NCOR2: variants seen among roughly 807,000 people sequenced by gnomAD.
The protein encoded by NCOR2 is nuclear receptor corepressor 2, also known as CTG repeat protein 26.
NCOR2 carries 81 observed loss-of-function variants against 262.9 expected under a neutral mutation model. That is an observed-to-expected ratio of 0.31 (90% CI 0.26 to 0.37). NCOR2 has a LOEUF of 0.37. Among genes scored for constraint, NCOR2 ranks in the 10% least tolerant of loss-of-function variants. The pLI, the probability that NCOR2 is intolerant of heterozygous loss-of-function variation, is 1.00. For synonymous variants in NCOR2, 1,659 were observed against 1,559.3 expected, an observed-to-expected ratio of 1.06 and a Z score of -1.51; for missense variants, 3,385 against 3,621.4, an observed-to-expected ratio of 0.93 and a Z score of 1.68.
At chr12:124,361,457 C>T (rs1176647710) in intron 22 of NCOR2, among the ~76,000 whole-genome samples, 1 of 152,228 alleles carries the variant, frequency 6.6e-6, no homozygotes, top group African/African-American at 2.4e-5. Flanking sequence ...GATTGAAGAT[C>T]CAGAGAACAA....
intron 8 of NCOR2, among the ~76,000 whole-genome samples, chr12:124,436,175 C>T (rs1416877150): frequency 6.6e-6 from 1 of 152,230 alleles, no homozygotes; most frequent in Non-Finnish European, 1.5e-5. Context: ...CAGCTAACAC[C>T]CTGTCCCGGC....
At chr12:124,533,033 A>C (rs2050923142) in intron 1 of NCOR2, among the ~76,000 whole-genome samples, 2 of 82,752 alleles carry the variant, frequency 2.4e-5, no homozygotes, top group Non-Finnish European at 4.6e-5. Flanking sequence ...TCCTCCCTCC[A>C]AATCCCACTC....
At chr12:124,535,238 T>C (rs1388589621) in intron 1 of NCOR2, among the ~76,000 whole-genome samples, 5 of 152,140 alleles carry the variant, frequency 3.3e-5, no homozygotes, top group Non-Finnish European at 7.4e-5. Flanking sequence ...ACAAAAGCAA[T>C]GTGACCAAGA....
At chr12:124,328,028 T>A (rs59475273) in intron 44 of NCOR2, among the ~76,000 whole-genome samples, 12,178 of 151,798 alleles carry the variant, frequency 0.08, 873 homozygotes, top group African/African-American at 0.19. Flanking sequence ...GTTTTTTTTT[T>A]AAATCTCAAG....
At chr12:124,385,710 C>T (rs2040757624) in intron 17 of NCOR2, 35 bp downstream of exon 19, 2 of 1,608,090 alleles carry the variant, frequency 1.2e-6, no homozygotes, top group Middle Eastern at 1.7e-4. Context: ...CTCCCAGCTT[C>T]CCAGAGGCGC....
chr12:124,413,430 G>A (rs915277634), intron 13 of NCOR2, among the ~76,000 whole-genome samples: 10 of 152,306 alleles, frequency 6.6e-5, no homozygotes, highest in African/African-American at 1.9e-4. Context: ...AAATGCCCCC[G>A]GATGAACATG....
Position 124,503,399 on chromosome 12 carries a change from G to T in NCOR2, c.-117-8031C>A, listed in dbSNP as rs2048848809. Among the ~76,000 whole-genome samples the T allele has an allele frequency of 6.6e-6, 1 of 152,186 alleles. No individual in the cohort carries two copies. The highest frequency in any genetic ancestry group is 6.5e-5 in the Admixed American group (1 of 15,280). On this transcript the variant is annotated intron_variant, in intron 1 of 46. Transcript: ENST00000404621. This position sits in a 1 kb window ranked among gnomAD's most constrained non-coding sequence, Gnocchi z 4.3. ...GGATGGAGGAGAAAGGAGGAAGGGAGGGAGGAAAGGAGGATGGATGGATGA... is the reference window on the plus strand; with the variant it reads ...GGATGGAGGAGAAAGGAGGAAGGGATGGAGGAAAGGAGGATGGATGGATGA...
intron 32 of NCOR2, among the ~76,000 whole-genome samples, chr12:124,343,666 G>C (rs1198006178): frequency 1.3e-5 from 2 of 149,574 alleles, no homozygotes; most frequent in Non-Finnish European, 3.0e-5. Context: ...CACTCTTGTT[G>C]CCCAGGCTGG....
At chr12:124,414,675 A>C (rs760863025) in intron 13 of NCOR2, among the ~76,000 whole-genome samples, 1 of 152,228 alleles carries the variant, frequency 6.6e-6, no homozygotes, top group Non-Finnish European at 1.5e-5. Context: ...CCCTCCCACT[A>C]GACGACATCG....
intron 17 of NCOR2, among the ~76,000 whole-genome samples, chr12:124,381,575 T>C (rs2040411371): frequency 1.3e-5 from 2 of 152,236 alleles, no homozygotes; most frequent in Non-Finnish European, 2.9e-5. Context: ...TTTAGATGAA[T>C]GAACCTGATA....
At chr12:124,385,925 C>A in intron 16 of NCOR2, 38 bp from the exon 19 acceptor site, 2 of 1,600,468 alleles carry the variant, frequency 1.2e-6, no homozygotes, top group Non-Finnish European at 1.7e-6. Context: ...AGAGGCCAGG[C>A]CCGGCACGCA....
chr12:124,355,566 G>A (rs1463622357), exon 24 of NCOR2: 3 of 1,569,376 alleles, frequency 1.9e-6, no homozygotes, highest in Admixed American at 1.8e-5. Context: ...AGGGGCAGTG[G>A]GTGACCTGTG....
chr12:124,364,711 C>G (rs779378307), intron 20 of NCOR2, among the ~76,000 whole-genome samples: 19 of 152,198 alleles, frequency 1.2e-4, no homozygotes, highest in Non-Finnish European at 2.8e-4. Context: ...ATCTGGCTCC[C>G]CACTTGGCAT....
At position 124,353,296 on chromosome 12, in the gene NCOR2, A is replaced by G. The variant is rs187698869; in HGVS notation, c.3693+797T>C. Among the ~76,000 whole-genome samples the G allele has an allele frequency of 1.6e-4, 24 of 152,320 alleles. 1 individual carries two copies. The highest frequency in any genetic ancestry group is 4.8e-4 in the African/African-American group (20 of 41,576). On this transcript the variant is annotated intron_variant, in intron 27 of 46. Coordinates refer to ENST00000405201, the Ensembl canonical transcript of NCOR2. ...TGTCTGAGTAGGTGGTGGAGCTGGC[A>G]CCCGAGGGCCCTCAGCCTGACTTTT...
intron 13 of NCOR2, among the ~76,000 whole-genome samples, chr12:124,405,664 G>A (rs774913313): frequency 6.6e-5 from 10 of 152,220 alleles, no homozygotes; most frequent in Non-Finnish European, 1.3e-4. Context: ...CACCCGGGAG[G>A]CCGAGGGACT....
chr12:124,499,575 G>A (rs538671441), upstream of NCOR2, among the ~76,000 whole-genome samples: 49 of 152,344 alleles, frequency 3.2e-4, no homozygotes, highest in African/African-American at 1.0e-3. Flanking sequence ...CTGGTGGGGG[G>A]TGAGCGCAGG....
At chr12:124,345,052 G>A (rs2036796026) in intron 31 of NCOR2, 101 bp from the exon 34 acceptor site, 1 of 1,110,738 alleles carries the variant, frequency 9.0e-7, no homozygotes, top group East Asian at 2.6e-5. Flanking sequence ...TCTATAAGAT[G>A]GAAGTGACAT....
intron 31 of NCOR2, among the ~76,000 whole-genome samples, chr12:124,345,174 G>A (rs1261068577): frequency 1.3e-5 from 2 of 152,264 alleles, no homozygotes; most frequent in East Asian, 1.9e-4. Flanking sequence ...ACGCTCCCTG[G>A]GGGGACTGCA....
At chr12:124,510,851 G>T (rs1317280505) in intron 1 of NCOR2, among the ~76,000 whole-genome samples, 1 of 152,154 alleles carries the variant, frequency 6.6e-6, no homozygotes, top group African/African-American at 2.4e-5. Context: ...GGGCCCAGGA[G>T]GAGACGAAAG....
Sources: allele counts gnomAD v4.1 joint callset (sites outside exome capture counted in the v4.1 genomes callset), GRCh38; gene constraint gnomAD v4.1.1; non-coding constraint Gnocchi (gnomAD v3.1); transcripts MANE v1.5; gene names NCBI Gene and HGNC (gene_info 2026-07-23, HGNC 2026-07-21).